SUDS3: variants seen among roughly 807,000 people sequenced by gnomAD.
SUDS3 encodes the protein SIN3A corepressor complex component SDS3.
SUDS3 carries 23 observed loss-of-function variants against 53.5 expected under a neutral mutation model. The ratio of observed to expected loss-of-function variants is 0.43; its 90% CI spans 0.31 to 0.61. SUDS3 has a LOEUF of 0.61. SUDS3 is among the 20% of genes least tolerant of loss of function. SUDS3 has a pLI of 0.10. For missense variants in SUDS3, 291 were observed against 405.9 expected (o/e 0.72, Z 2.43); for synonymous variants, 150 against 148.5 (o/e 1.01, Z -0.08).
chr12:118,395,989 A>G (rs1198008343), intron 6 of SUDS3, among the ~76,000 whole-genome samples: 4 of 151,978 alleles, frequency 2.6e-5, no homozygotes, highest in African/African-American at 7.2e-5. Context: ...CCTAACATTC[A>G]TTCTTATTCC....
At chr12:118,390,205 G>C (rs2046152918) in intron 5 of SUDS3, among the ~76,000 whole-genome samples, 1 of 152,196 alleles carries the variant, frequency 6.6e-6, no homozygotes, top group South Asian at 2.1e-4. Context: ...TGTTAGAGCT[G>C]TTTGGAAGTC....
intron 1 of SUDS3, among the ~76,000 whole-genome samples, chr12:118,379,234 C>G (rs541799667): frequency 6.6e-6 from 1 of 151,660 alleles, no homozygotes; most frequent in African/African-American, 2.4e-5. Flanking sequence ...GCCAGGAGTT[C>G]GAGACCAGCC....
intron 11 of SUDS3, 68 bp from the exon 12 acceptor site, chr12:118,414,267 T>A: frequency 8.6e-7 from 1 of 1,157,968 alleles, no homozygotes; most frequent in Non-Finnish European, 1.2e-6. Flanking sequence ...GCAGATATTT[T>A]GATGGTGTAG....
At chr12:118,380,080 A>G in intron 1 of SUDS3, 82 bp from the exon 2 acceptor site, 1 of 1,104,726 alleles carries the variant, frequency 9.1e-7, no homozygotes, top group Non-Finnish European at 1.3e-6. Flanking sequence ...ACGGGAGTTT[A>G]TTGAGTGCAT....
chr12:118,390,896 C>T (rs551457858), intron 5 of SUDS3: 21 of 593,430 alleles, frequency 3.5e-5, no homozygotes, highest in South Asian at 2.3e-4. Flanking sequence ...GATGTGGAAG[C>T]GAAAAAATAT....
Position 118,415,992 on chromosome 12 carries a change from A to G in SUDS3, c.*1559A>G, listed in dbSNP as rs1388940669. 6.6e-6 allele frequency: 1 copy of G among 151,748 alleles called. No homozygotes were observed. The highest frequency in any genetic ancestry group is 2.4e-5 in the African/African-American group (1 of 41,268). 9.4% of individuals were successfully genotyped at this position (151,748 alleles called of 1,614,324 possible). A position where few individuals can be genotyped will look rare whatever the true frequency, so the allele number is the denominator to read the frequency against. On this transcript the variant is annotated 3_prime_UTR_variant, in exon 12 of 12. Transcript: ENST00000543473. ...AACAGGATAAATGACGCTGTTATCA[A>G]AAGTTGCCTGGGGTTCTGTATTTCT...
chr12:118,404,990 T>C (rs2046297006), intron 10 of SUDS3, among the ~76,000 whole-genome samples: 1 of 152,218 alleles, frequency 6.6e-6, no homozygotes, highest in African/African-American at 2.4e-5. Flanking sequence ...AGGCTGGCTT[T>C]ATCTCTAAGG....
intron 2 of SUDS3, among the ~76,000 whole-genome samples, chr12:118,383,707 T>C (rs1284956417): frequency 6.6e-6 from 1 of 152,256 alleles, no homozygotes; most frequent in Non-Finnish European, 1.5e-5. Flanking sequence ...TGCCTGTTTA[T>C]AATTGTCATT....
rs1035833404 is a variant in SUDS3, at chr12:118,417,512, G to A, written c.*3079G>A. On this transcript the variant is annotated 3_prime_UTR_variant, in exon 12 of 12. Transcript: ENST00000543473. ...TTCTCATCTGGGAATTTGAAATCTC[G>A]GTGCTTACTGTTACACCAATTTGTC... 1.3e-5 allele frequency: 2 copies of A among 150,850 alleles called. No individual in the cohort carries two copies. Among genetic ancestry groups the A allele is most frequent in the Admixed American group, 1.3e-4 (2 of 15,116 alleles). The allele number at this position is 150,850 out of a possible 1,614,324, so 9.3% of individuals were successfully genotyped here.
intron 6 of SUDS3, among the ~76,000 whole-genome samples, chr12:118,400,190 T>C (rs1485877994): frequency 6.6e-6 from 1 of 152,138 alleles, no homozygotes; most frequent in Non-Finnish European, 1.5e-5. Flanking sequence ...AAACTTCGTA[T>C]AAAAATGTTG....
intron 2 of SUDS3, among the ~76,000 whole-genome samples, chr12:118,380,496 A>G (rs2046046787): frequency 6.6e-6 from 1 of 152,220 alleles, no homozygotes; most frequent in African/African-American, 2.4e-5. Flanking sequence ...CAGATAAGGG[A>G]TACTTAATCT....
chr12:118,401,211 T>G (rs998150892), intron 7 of SUDS3, among the ~76,000 whole-genome samples: 1 of 152,214 alleles, frequency 6.6e-6, no homozygotes, highest in South Asian at 2.1e-4. Flanking sequence ...CAGTCAGACA[T>G]AAAGCAGCCC....
At chr12:118,390,906 T>A (rs1333858740) in intron 5 of SUDS3, 2 of 621,564 alleles carry the variant, frequency 3.2e-6, no homozygotes, top group East Asian at 3.1e-5. Context: ...CGAAAAAATA[T>A]CTGGGTAGCA....
intron 11 of SUDS3, among the ~76,000 whole-genome samples, chr12:118,413,490 T>C (rs2046375485): frequency 6.6e-6 from 1 of 152,338 alleles, no homozygotes; most frequent in South Asian, 2.1e-4. Context: ...ATGATAGTAG[T>C]TATTTCATAG....
chr12:118,406,847 C>A (rs2046312690), intron 10 of SUDS3, among the ~76,000 whole-genome samples: 1 of 133,834 alleles, frequency 7.5e-6, no homozygotes, highest in South Asian at 2.6e-4. Flanking sequence ...TTAAGGTTGT[C>A]ACATACTTCT....
In SUDS3 at chr12:118,401,840, A is replaced by G; in HGVS notation, c.675+20A>G. On this transcript the variant is annotated intron_variant, in intron 8 of 11. Transcript: ENST00000543473. ...AATAAGGTACGGTTTGACTTTTTTGATTTATTTGAAAACTCAGGCTTTTGT... is the reference window on the plus strand; with the variant it reads ...AATAAGGTACGGTTTGACTTTTTTGGTTTATTTGAAAACTCAGGCTTTTGT... The G allele has an allele frequency of 6.2e-7, 1 of 1,612,174 alleles. No individual in the cohort carries two copies. The highest frequency in any genetic ancestry group is 8.5e-7 in the Non-Finnish European group (1 of 1,178,520).
intron 1 of SUDS3, among the ~76,000 whole-genome samples, chr12:118,378,695 G>C (rs1827890160): frequency 6.6e-6 from 1 of 151,450 alleles, no homozygotes; most frequent in African/African-American, 2.4e-5. Flanking sequence ...TTTTTTTTGA[G>C]ATGGAGTTTC....
chr12:118,379,239 C>T (rs943525519), intron 1 of SUDS3, among the ~76,000 whole-genome samples: 2 of 151,882 alleles, frequency 1.3e-5, no homozygotes, highest in African/African-American at 4.8e-5. Context: ...GAGTTCGAGA[C>T]CAGCCTGGCC....
chr12:118,408,335 G>GTTT (rs1007287804), intron 10 of SUDS3, among the ~76,000 whole-genome samples: 4 of 130,092 alleles, frequency 3.1e-5, no homozygotes, highest in Admixed American at 7.7e-5. Context: ...TACCTGGCCA[G>GTTT]TTTTTTTTTT....
Sources: allele counts gnomAD v4.1 joint callset (sites outside exome capture counted in the v4.1 genomes callset), GRCh38; gene constraint gnomAD v4.1.1; transcripts MANE v1.5; gene names NCBI Gene and HGNC (gene_info 2026-07-23, HGNC 2026-07-21).